Variants in MCM6 observed in about 807,000 individuals in gnomAD.
MCM6 encodes the protein minichromosome maintenance complex component 6, also known as DNA replication licensing factor MCM6.
A neutral mutation model predicts 94.3 loss-of-function variants in MCM6; 46 were observed. The observed-to-expected ratio is 0.49, with a 90% confidence interval of 0.39 to 0.62. The LOEUF (loss-of-function observed/expected upper bound fraction) is 0.62, where lower values mean the gene tolerates loss of function less well. MCM6 is among the 20% of genes least tolerant of loss of function. MCM6 has a pLI of 0.00. For missense variants in MCM6, 865 were observed against 1,017.9 expected, an observed-to-expected ratio of 0.85 and a Z score of 2.04; for synonymous variants, 335 against 351.9, an observed-to-expected ratio of 0.95 and a Z score of 0.54.
At chr2:135,847,966 C>T in intron 14 of MCM6, 87 bp downstream of exon 14, 2 of 961,692 alleles carry the variant, frequency 2.1e-6, no homozygotes, top group South Asian at 1.6e-5. Context: ...GACTATTAGC[C>T]AACAGCAGGT....
rs563336249 is a variant in MCM6 at position 135,863,833 on chromosome 2, G to A, written c.1079-1085C>T. On this transcript the variant is annotated intron_variant, in intron 7 of 16. Transcript: ENST00000264156. ...TATATTTAGATAGAAAAAAAGGGCC[G>A]GATGCAGTGGCTCATGCCTGTAATC... 2.7e-3 allele frequency among the ~76,000 whole-genome samples: 411 copies of A among 152,110 alleles called. 4 individuals carry two copies. The highest frequency in any genetic ancestry group is 0.014 in the South Asian group (69 of 4,814).
At position 135,876,353 on chromosome 2, in the gene MCM6, C is replaced by T. The variant is rs373740116; in HGVS notation, c.13G>A (p.Ala5Thr). ...CTGCCGGCGCCCGGCTCCGCTGCCG[C>T]CGCGAGGTCCATATTTGCTTAGTGC... MDLAAAAEPGAGSQH... is the reference protein window; with the variant it reads MDLATAAEPGAGSQH... The change falls in exon 1 of 17, where the codon GCG (alanine) becomes ACG (threonine). Residue 5 changes from alanine to threonine, a missense_variant. Ala to Thr is a moderately conservative substitution (Grantham distance 58). Transcript: ENST00000264156. 8 of 1,607,398 alleles carry T rather than the reference C, an allele frequency of 5.0e-6. No homozygotes were observed. The highest frequency in any genetic ancestry group is 1.7e-4 in the Middle Eastern group (1 of 6,010).
At chr2:135,844,937 T>C (rs536694347) in intron 15 of MCM6, among the ~76,000 whole-genome samples, 26 of 152,338 alleles carry the variant, frequency 1.7e-4, no homozygotes, top group African/African-American at 6.3e-4. Context: ...ATAAGAAATA[T>C]GTTTCTTAAA....
intron 7 of MCM6, among the ~76,000 whole-genome samples, chr2:135,863,058 T>A (rs1680025838): frequency 6.6e-6 from 1 of 152,172 alleles, no homozygotes; most frequent in Non-Finnish European, 1.5e-5. Flanking sequence ...GCCTTAGCCC[T>A]CAAAGATCTC....
rs758747203 is a variant in MCM6 at position 135,876,407 on chromosome 2, G to T, written c.-42C>A. 1 of 1,513,700 alleles carries T rather than the reference G, an allele frequency of 6.6e-7. No homozygotes were observed. Among genetic ancestry groups the T allele is most frequent in the African/African-American group, 1.4e-5 (1 of 72,016 alleles). The allele number at this position is 1,513,700 out of a possible 1,614,324, so 93.8% of individuals were successfully genotyped here. A position where few individuals can be genotyped will look rare whatever the true frequency, so the allele number is the denominator to read the frequency against. On this transcript the variant is annotated 5_prime_UTR_variant, in exon 1 of 17. Transcript: ENST00000264156. ...GGATTCGCCTGCGCCACGCTCGACCGCCACAAGTCGCTTTTTTCCAGACGC... is the reference window on the plus strand; with the variant it reads ...GGATTCGCCTGCGCCACGCTCGACCTCCACAAGTCGCTTTTTTCCAGACGC...
intron 6 of MCM6, 43 bp downstream of exon 6, chr2:135,866,089 G>C (rs190315404): frequency 5.6e-6 from 9 of 1,609,592 alleles, no homozygotes; most frequent in Admixed American, 5.1e-5. Flanking sequence ...GTGACAGAGA[G>C]AGACTGTTTC....
Position 135,868,979 on chromosome 2 carries a change from G to T in MCM6, c.366-119C>A, listed in dbSNP as rs1382678020. The T allele has an allele frequency of 6.5e-6, 6 of 921,664 alleles. No individual in the cohort carries two copies. The East Asian group carries it at 1.6e-4, about 24-fold the overall frequency. 57.1% of individuals were successfully genotyped at this position (921,664 alleles called of 1,614,324 possible). The stretch of plus-strand genomic sequence containing the variant: ...TTAAAAAAAAAATTCAAGAGACAAG[G>T]TATTCTTTGGACTCTCCTATAAGAA... On this transcript the variant is annotated intron_variant, in intron 3 of 16. Coordinates refer to ENST00000264156, the MANE Select transcript of MCM6 (RefSeq NM_005915.6).
chr2:135,864,484 C>A (rs1394469914), intron 7 of MCM6, among the ~76,000 whole-genome samples: 1 of 152,096 alleles, frequency 6.6e-6, no homozygotes, highest in Non-Finnish European at 1.5e-5. Context: ...CATACACACA[C>A]ACCAACAAGG....
chr2:135,858,371 C>T (rs1679929646), intron 9 of MCM6, among the ~76,000 whole-genome samples: 2 of 152,100 alleles, frequency 1.3e-5, no homozygotes. Context: ...CCTGTAATCC[C>T]AGATACTCGG....
At chr2:135,848,546 A>G (rs1034756096) in intron 13 of MCM6, among the ~76,000 whole-genome samples, 1 of 152,182 alleles carries the variant, frequency 6.6e-6, no homozygotes, top group African/African-American at 2.4e-5. Context: ...TTGTAGAAAT[A>G]TAAACATATA....
At chr2:135,859,950 T>C (rs979411117) in intron 8 of MCM6, among the ~76,000 whole-genome samples, 1 of 151,762 alleles carries the variant, frequency 6.6e-6, no homozygotes, top group African/African-American at 2.4e-5. Context: ...ATTACAGGTG[T>C]GCGCCACTAT....
At chr2:135,872,520 A>G (rs1199047014) in intron 2 of MCM6, among the ~76,000 whole-genome samples, 177 bp downstream of exon 2, 1 of 152,174 alleles carries the variant, frequency 6.6e-6, no homozygotes, top group Admixed American at 6.5e-5. Flanking sequence ...AAAGGCCTAC[A>G]TGAAGTTCAG....
At chr2:135,876,122 T>C (rs1347587674) in intron 1 of MCM6, 137 bp downstream of exon 1, 4 of 624,438 alleles carry the variant, frequency 6.4e-6, no homozygotes, top group Non-Finnish European at 1.0e-5. Context: ...GAGCCTAAAG[T>C]TGGGGGGCGG....
rs896261887 is a variant in MCM6, at chr2:135,862,753, A to C, written c.1079-5T>G. 2.0e-5 allele frequency: 32 copies of C among 1,612,976 alleles called. No homozygotes were observed. Among genetic ancestry groups the C allele is most frequent in the Non-Finnish European group, 2.6e-5 (31 of 1,179,654 alleles). On this transcript the variant is annotated splice_region_variant and splice_polypyrimidine_tract_variant and intron_variant, in intron 7 of 16. Transcript: ENST00000264156. ...CCCGTTTTACTTCATCATTGCCTGA[A>C]ATGAAAAGAAGCTACAGATGAAAAA...
chr2:135,847,140 G>A (rs936363255), intron 14 of MCM6, among the ~76,000 whole-genome samples: 2 of 152,128 alleles, frequency 1.3e-5, no homozygotes, highest in African/African-American at 4.8e-5. Context: ...TGGGAGGAAC[G>A]TGAGGGATCA....
intron 9 of MCM6, among the ~76,000 whole-genome samples, chr2:135,858,414 G>A (rs1679930501): frequency 1.3e-5 from 2 of 152,136 alleles, no homozygotes; most frequent in South Asian, 2.1e-4. Flanking sequence ...TTGAACCCGG[G>A]AGGCAGAGGT....
intron 15 of MCM6, among the ~76,000 whole-genome samples, 175 bp from the exon 16 acceptor site, chr2:135,844,859 A>C (rs764586837): frequency 6.6e-6 from 1 of 152,254 alleles, no homozygotes; most frequent in Non-Finnish European, 1.5e-5. Flanking sequence ...TGAAATAACA[A>C]GTCATATCAC....
Position 135,851,920 on chromosome 2 carries a change from T to G in MCM6, c.1756-357A>C, listed in dbSNP as rs552634723. 5 of 159,272 alleles carry G rather than the reference T, an allele frequency of 3.1e-5. No individual in the cohort carries two copies. The South Asian group carries it at 7.9e-4, about 25-fold the overall frequency. The allele number at this position is 159,272 out of a possible 1,614,324, so 9.9% of individuals were successfully genotyped here. Reference sequence around the variant, plus strand: ...TAAATTAATGCTCAGTATTTGAGGCTCAATTAATTAACTCACACTCTTTGC... The same window carrying G: ...TAAATTAATGCTCAGTATTTGAGGCGCAATTAATTAACTCACACTCTTTGC... On this transcript the variant is annotated intron_variant, in intron 12 of 16. Transcript: ENST00000264156.
chr2:135,862,789 A>T (rs183422391), intron 7 of MCM6, 41 bp from the exon 8 acceptor site: 4 of 1,606,208 alleles, frequency 2.5e-6, no homozygotes, highest in Non-Finnish European at 3.4e-6. Context: ...CTAATTTTTC[A>T]ACATGAAGTT....
Sources: allele counts gnomAD v4.1 joint callset (sites outside exome capture counted in the v4.1 genomes callset), GRCh38; gene constraint gnomAD v4.1.1; transcripts MANE v1.5; gene names NCBI Gene and HGNC (gene_info 2026-07-23, HGNC 2026-07-21).